The following GRM8 variants were observed in gnomAD, a reference collection of about 807,000 sequenced individuals.
GRM8 encodes the protein metabotropic glutamate receptor 8.
GRM8 carries 47 observed loss-of-function variants against 87.2 expected under a neutral mutation model. The ratio of observed to expected loss-of-function variants is 0.54; its 90% CI spans 0.43 to 0.69. The LOEUF (loss-of-function observed/expected upper bound fraction) is 0.69. Among genes scored for constraint, GRM8 ranks in the 30% least tolerant of loss-of-function variants. The pLI, the probability that GRM8 is intolerant of heterozygous loss-of-function variation, is 0.00. For synonymous variants in GRM8, 396 were observed against 404.5 expected (o/e 0.98, Z 0.25); for missense variants, 1,019 against 1,139.2 (o/e 0.89, Z 1.52).
At chr7:126,781,666 C>T (rs1400239904) in intron 6 of GRM8, among the ~76,000 whole-genome samples, 2 of 152,046 alleles carry the variant, frequency 1.3e-5, no homozygotes, top group African/African-American at 2.4e-5. Context: ...AATAGAAATG[C>T]TTATGTTAAA....
chr7:126,638,452 A>G (rs1802065684), intron 7 of GRM8, among the ~76,000 whole-genome samples: 1 of 152,208 alleles, frequency 6.6e-6, no homozygotes, highest in South Asian at 2.1e-4. Context: ...ATTTGTTCAT[A>G]TATTAGCACA....
At chr7:126,933,616 C>A (rs1487881502) in intron 3 of GRM8, among the ~76,000 whole-genome samples, 1 of 152,192 alleles carries the variant, frequency 6.6e-6, no homozygotes, top group East Asian at 1.9e-4. Flanking sequence ...GTGGGGAAGT[C>A]AAGGGCTCTG....
intron 3 of GRM8, among the ~76,000 whole-genome samples, chr7:126,977,111 A>T (rs768873686): frequency 6.6e-6 from 1 of 152,160 alleles, no homozygotes; most frequent in Non-Finnish European, 1.5e-5. Context: ...ACCAAAATGT[A>T]TATAAATCTC....
intron 8 of GRM8, among the ~76,000 whole-genome samples, chr7:126,560,082 T>TA (rs1425128264): frequency 6.6e-6 from 1 of 152,336 alleles, no homozygotes; most frequent in African/African-American, 2.4e-5. Context: ...CAGCAACACT[T>TA]ACAACCTGTG....
chr7:126,802,488 G>A (rs1298340028), intron 6 of GRM8, among the ~76,000 whole-genome samples: 1 of 152,078 alleles, frequency 6.6e-6, no homozygotes, highest in African/African-American at 2.4e-5. Flanking sequence ...TGGATGAATG[G>A]ATAAAGAAAA....
At chr7:126,566,602 G>A (rs927887207) in intron 8 of GRM8, among the ~76,000 whole-genome samples, 2 of 152,092 alleles carry the variant, frequency 1.3e-5, no homozygotes, top group Non-Finnish European at 2.9e-5. Flanking sequence ...TGGTGTAGTC[G>A]CTATGGAATA....
At chr7:126,834,867 C>T (rs929031981) in intron 6 of GRM8, among the ~76,000 whole-genome samples, 1 of 151,818 alleles carries the variant, frequency 6.6e-6, no homozygotes. Flanking sequence ...GGAGGCCAAG[C>T]TGAGAGGATT....
At chr7:126,743,647 C>T (rs1023641979) in intron 7 of GRM8, among the ~76,000 whole-genome samples, 3 of 151,974 alleles carry the variant, frequency 2.0e-5, no homozygotes, top group Admixed American at 6.6e-5. Context: ...AATTTTCAAT[C>T]AAAGTAATAT....
chr7:127,068,667 A>G (rs1821373445), intron 3 of GRM8, among the ~76,000 whole-genome samples: 2 of 152,246 alleles, frequency 1.3e-5, no homozygotes, highest in Admixed American at 6.5e-5. Flanking sequence ...AGGAGTATTC[A>G]GTTAAAGCTT....
intron 3 of GRM8, among the ~76,000 whole-genome samples, chr7:127,101,541 A>G (rs565594306): frequency 2.8e-4 from 42 of 150,880 alleles, no homozygotes; most frequent in African/African-American, 9.3e-4. Flanking sequence ...CCCATTCCCA[A>G]CTCTCTCTTG....
chr7:126,641,504 G>T (rs2237754), intron 7 of GRM8, among the ~76,000 whole-genome samples: 46,829 of 152,046 alleles, frequency 0.31, 8,102 homozygotes, highest in East Asian at 0.43. Flanking sequence ...AGTGGCCCTT[G>T]GGGGAGAAAG....
intron 8 of GRM8, among the ~76,000 whole-genome samples, chr7:126,599,072 G>C (rs532868359): frequency 1.3e-5 from 2 of 152,248 alleles, no homozygotes; most frequent in South Asian, 4.1e-4. Flanking sequence ...AATGGCAGAT[G>C]CTCCTCAAAG....
At chr7:126,613,557 T>A (rs1408498992) in intron 7 of GRM8, among the ~76,000 whole-genome samples, 1 of 149,910 alleles carries the variant, frequency 6.7e-6, no homozygotes, top group Non-Finnish European at 1.5e-5. Flanking sequence ...GCCCACCGAG[T>A]GTGAGCCAAA....
rs182776884 is a variant in GRM8 at position 126,817,688 on chromosome 7, C to A, written c.1157-47623G>T. Among the ~76,000 whole-genome samples the A allele has an allele frequency of 3.4e-3, 521 of 152,194 alleles. 3 individuals carry two copies. The highest frequency in any genetic ancestry group is 0.02 in the Middle Eastern group (6 of 294). Reference sequence around the variant, plus strand: ...CACTTTTGCTATCATCAGTTTTGAGCAATTGATTTTCAGAAGCAGACATTT... The same window carrying A: ...CACTTTTGCTATCATCAGTTTTGAGAAATTGATTTTCAGAAGCAGACATTT... On this transcript the variant is annotated intron_variant, in intron 6 of 10. Transcript: ENST00000339582.
At chr7:127,088,394 A>C (rs1823721513) in intron 3 of GRM8, among the ~76,000 whole-genome samples, 1 of 152,222 alleles carries the variant, frequency 6.6e-6, no homozygotes. Flanking sequence ...GCCTTTACAA[A>C]GCTGGGGAGA....
intron 7 of GRM8, among the ~76,000 whole-genome samples, chr7:126,644,916 C>T (rs1358747757): frequency 6.6e-6 from 1 of 152,206 alleles, no homozygotes; most frequent in Non-Finnish European, 1.5e-5. Flanking sequence ...CTACACTCTC[C>T]CCAGTGTTAT....
chr7:126,495,642 T>G (rs1808613921), intron 9 of GRM8, among the ~76,000 whole-genome samples: 1 of 152,012 alleles, frequency 6.6e-6, no homozygotes, highest in South Asian at 2.1e-4. Context: ...ATTTTTCATC[T>G]GGTCCTCATC....
intron 3 of GRM8, among the ~76,000 whole-genome samples, chr7:126,972,027 C>G (rs1206509645): frequency 1.3e-5 from 2 of 152,162 alleles, no homozygotes; most frequent in Non-Finnish European, 2.9e-5. Context: ...ACAGGGTCTG[C>G]AGGTCACTGT....
At chr7:126,942,791 T>A (rs1228948342) in intron 3 of GRM8, among the ~76,000 whole-genome samples, 21 of 152,074 alleles carry the variant, frequency 1.4e-4, no homozygotes. Flanking sequence ...GCTAACACAT[T>A]CAAGTGACAG....
Sources: gnomAD v4.1 joint callset for allele counts (sites outside exome capture counted in the v4.1 genomes callset) on GRCh38, gnomAD v4.1.1 for gene constraint, MANE v1.5 for transcripts, NCBI Gene and HGNC (gene_info 2026-07-23, HGNC 2026-07-21) for gene names.